Variants in SCARA5 observed in about 807,000 individuals in gnomAD.
The protein encoded by SCARA5 is scavenger receptor class A, member 5 (putative).
SCARA5 carries 45 observed loss-of-function variants against 46.3 expected under a neutral mutation model. The observed-to-expected ratio is 0.97, with a 90% CI of 0.76 to 1.24. The LOEUF (loss-of-function observed/expected upper bound fraction) is 1.24. Among genes scored for constraint, SCARA5 ranks in the 50% most tolerant of loss-of-function variants. SCARA5 has a pLI of 0.00. For synonymous variants in SCARA5, 333 were observed against 306.5 expected, an observed-to-expected ratio of 1.09 and a Z score of -0.90; for missense variants, 680 against 689.0, an observed-to-expected ratio of 0.99 and a Z score of 0.15.
At chr8:27,954,703 T>C (rs182334541) in intron 3 of SCARA5, among the ~76,000 whole-genome samples, 1 of 152,320 alleles carries the variant, frequency 6.6e-6, no homozygotes, top group Non-Finnish European at 1.5e-5. Flanking sequence ...TGGAGACAAA[T>C]AGAAGAGGAT....
intron 3 of SCARA5, among the ~76,000 whole-genome samples, chr8:27,961,805 C>T (rs1321743073): frequency 6.6e-6 from 1 of 152,200 alleles, no homozygotes; most frequent in Non-Finnish European, 1.5e-5. Context: ...CTTCTACTAG[C>T]TAAATGTCCC....
At chr8:27,900,821 C>G (rs1241657286) in intron 7 of SCARA5, among the ~76,000 whole-genome samples, 1 of 148,074 alleles carries the variant, frequency 6.8e-6, no homozygotes, top group African/African-American at 2.5e-5. Context: ...GGCCAAACTC[C>G]CAAAAGCCAA....
intron 1 of SCARA5, among the ~76,000 whole-genome samples, chr8:27,990,390 T>C (rs576120617): frequency 5.3e-5 from 8 of 152,248 alleles, no homozygotes; most frequent in African/African-American, 1.9e-4. Context: ...GACCCTCAGA[T>C]CATGGATCTT....
chr8:27,923,414 C>T (rs1027815101), intron 3 of SCARA5, among the ~76,000 whole-genome samples: 1 of 152,244 alleles, frequency 6.6e-6, no homozygotes, highest in Non-Finnish European at 1.5e-5. Context: ...AATTATCAAG[C>T]TTTCCATTCT....
intron 5 of SCARA5, among the ~76,000 whole-genome samples, chr8:27,907,819 C>T (rs1417365037): frequency 2.0e-5 from 3 of 152,160 alleles, no homozygotes; most frequent in Admixed American, 2.0e-4. Context: ...ATCTGCCTGC[C>T]TCGGCTTCCC....
At chr8:27,972,346 CAAAACAAAAA>C (rs869064250) in intron 2 of SCARA5, among the ~76,000 whole-genome samples, 3 of 76,868 alleles carry the variant, frequency 3.9e-5, no homozygotes, top group Non-Finnish European at 5.7e-5. Flanking sequence ...AAACAAAAAA[CAAAACAAAAA>C]AAAACAAAAA....
At chr8:27,974,286 T>C (rs1808491124) in intron 2 of SCARA5, among the ~76,000 whole-genome samples, 1 of 152,202 alleles carries the variant, frequency 6.6e-6, no homozygotes, top group African/African-American at 2.4e-5. Context: ...GTCCCCTTCA[T>C]CAAAATGTCC....
At chr8:27,886,281 C>T (rs1806894225) in intron 7 of SCARA5, among the ~76,000 whole-genome samples, 1 of 152,244 alleles carries the variant, frequency 6.6e-6, no homozygotes, top group Non-Finnish European at 1.5e-5. Context: ...ACAGATGCTG[C>T]CTGCCCCAGC....
chr8:27,926,054 A>T (rs1223521278), intron 3 of SCARA5, among the ~76,000 whole-genome samples: 1 of 152,222 alleles, frequency 6.6e-6, no homozygotes, highest in Non-Finnish European at 1.5e-5. Flanking sequence ...TCCCTCAAGG[A>T]TCTAGAACTA....
chr8:27,874,469 C>A (rs993902428), intron 8 of SCARA5, among the ~76,000 whole-genome samples: 2 of 152,232 alleles, frequency 1.3e-5, no homozygotes, highest in Admixed American at 1.3e-4. Context: ...CTGGCCAATG[C>A]CTGCTTTTAT....
At chr8:27,976,543 G>T (rs371052377) in intron 2 of SCARA5, among the ~76,000 whole-genome samples, 4 of 152,078 alleles carry the variant, frequency 2.6e-5, no homozygotes, top group African/African-American at 9.7e-5. Context: ...GCAACCTTCC[G>T]CCCACCTCCT....
chr8:27,960,643 A>G (rs1353819534), intron 3 of SCARA5, among the ~76,000 whole-genome samples: 1 of 152,248 alleles, frequency 6.6e-6, no homozygotes, highest in Non-Finnish European at 1.5e-5. Context: ...TGATAGAGCC[A>G]TTCCATAGTA....
chr8:27,907,043 T>G, intron 6 of SCARA5, 105 bp downstream of exon 6: 1 of 728,332 alleles, frequency 1.4e-6, no homozygotes, highest in African/African-American at 1.8e-5. Flanking sequence ...GTTGCCCCGC[T>G]GGTCCGTGGC....
chr8:27,984,746 T>A (rs1373076845), intron 2 of SCARA5, among the ~76,000 whole-genome samples: 3 of 152,044 alleles, frequency 2.0e-5, no homozygotes, highest in African/African-American at 7.2e-5. Context: ...TATTCATCCA[T>A]TTATTCATTC....
intron 7 of SCARA5, among the ~76,000 whole-genome samples, chr8:27,901,172 A>G (rs1347248581): frequency 6.6e-6 from 1 of 152,180 alleles, no homozygotes; most frequent in African/African-American, 2.4e-5. Flanking sequence ...GCCCTCCTCC[A>G]GGGAAAACCC....
chr8:27,964,796 G>A (rs1365878402), intron 3 of SCARA5, among the ~76,000 whole-genome samples: 2 of 151,826 alleles, frequency 1.3e-5, no homozygotes, highest in East Asian at 1.9e-4. Context: ...CCCCCCACCA[G>A]CCTGGTCCCT....
intron 7 of SCARA5, among the ~76,000 whole-genome samples, chr8:27,897,310 C>T (rs2726972): frequency 0.78 from 119,151 of 152,120 alleles, 49,368 homozygotes; most frequent in Non-Finnish European, 0.92. Context: ...ACAGCTGCAT[C>T]CACTCCCAGC....
At chr8:27,977,936 G>A (rs751849570) in intron 2 of SCARA5, among the ~76,000 whole-genome samples, 41 of 151,632 alleles carry the variant, frequency 2.7e-4, no homozygotes, top group Non-Finnish European at 5.4e-4. Context: ...AAACTTTATA[G>A]CAATTACATG....
chr8:27,958,242 G>T (rs1808236483), intron 3 of SCARA5, among the ~76,000 whole-genome samples: 1 of 152,218 alleles, frequency 6.6e-6, no homozygotes, highest in South Asian at 2.1e-4. Context: ...ATCACCCTGG[G>T]CAGTGGAATC....
Sources: allele counts gnomAD v4.1 joint callset (sites outside exome capture counted in the v4.1 genomes callset), GRCh38; gene constraint gnomAD v4.1.1; transcripts MANE v1.5; gene names NCBI Gene and HGNC (gene_info 2026-07-23, HGNC 2026-07-21).